Variants in SFT2D1 observed in about 807,000 individuals in gnomAD.
SFT2D1 encodes SFT2 domain containing 1.
In SFT2D1, 24 loss-of-function variants were observed where a neutral mutation model predicts 28.1. That is an observed-to-expected ratio of 0.85 (90% CI 0.62 to 1.20). The LOEUF is 1.20. Among genes scored for constraint, SFT2D1 ranks in the 50% most tolerant of loss-of-function variants. The pLI, the probability that SFT2D1 is intolerant of heterozygous loss-of-function variation, is 0.00. For missense variants in SFT2D1, 181 were observed against 190.9 expected (o/e 0.95, Z 0.31); for synonymous variants, 82 against 73.7 (o/e 1.11, Z -0.58).
At chr6:166,326,912 A>G (rs1778454411) in intron 4 of SFT2D1, among the ~76,000 whole-genome samples, 1 of 152,240 alleles carries the variant, frequency 6.6e-6, no homozygotes, top group Admixed American at 6.5e-5. Flanking sequence ...AACTACTTAT[A>G]TTCTAACAGT....
chr6:166,321,834 G>GT, intron 7 of SFT2D1, among the ~76,000 whole-genome samples: 1 of 152,286 alleles, frequency 6.6e-6, no homozygotes, highest in East Asian at 1.9e-4. Context: ...CAATTAAAAT[G>GT]TTTTTGCTGA....
intron 1 of SFT2D1, chr6:166,334,788 G>A (rs1449672625): frequency 7.3e-6 from 3 of 411,506 alleles, no homozygotes; most frequent in African/African-American, 2.1e-5. Flanking sequence ...TGTGAAGGAG[G>A]TGGATGCGCC....
intron 4 of SFT2D1, among the ~76,000 whole-genome samples, chr6:166,327,419 T>C (rs1778465937): frequency 6.6e-6 from 1 of 152,092 alleles, no homozygotes; most frequent in Non-Finnish European, 1.5e-5. Flanking sequence ...CCACCCAGGC[T>C]CAAGATAATA....
chr6:166,334,409 T>C (rs1778607787), intron 1 of SFT2D1, among the ~76,000 whole-genome samples: 2 of 152,222 alleles, frequency 1.3e-5, no homozygotes, highest in African/African-American at 2.4e-5. Flanking sequence ...CTGGGCAACA[T>C]GGCGAGTCCT....
Position 166,326,541 on chromosome 6 carries a change from T to C in SFT2D1, c.316-374A>G, listed in dbSNP as rs183010139. Among the ~76,000 whole-genome samples, 17 of 152,306 alleles carry C rather than the reference T, an allele frequency of 1.1e-4. 1 individual carries two copies. The East Asian group carries it at 3.3e-3, about 29-fold the overall frequency. On this transcript the variant is annotated intron_variant, in intron 4 of 7. Coordinates refer to ENST00000361731, the MANE Select transcript of SFT2D1 (RefSeq NM_145169.3). ...ATCTGAGGGTCCTTGGTGAAGTCAG[T>C]GGACTCGTCTAAACCTGTTGTCTTC...
In SFT2D1 at chr6:166,324,424, C is replaced by A. The variant is rs76510347; in HGVS notation, c.410+113G>T. The stretch of plus-strand genomic sequence containing the variant: ...CCTCCCCTCCTCTGACCCTGCAGGG[C>A]CTGTCTGGCTCCAAAACACCAGACG... On this transcript the variant is annotated intron_variant, in intron 6 of 7. Transcript: ENST00000361731. 6.3e-6 allele frequency: 6 copies of A among 953,864 alleles called. No individual in the cohort carries two copies. The African/African-American group carries it at 9.8e-5, about 16-fold the overall frequency. The allele number at this position is 953,864 out of a possible 1,614,324, so 59.1% of individuals were successfully genotyped here. A position where few individuals can be genotyped will look rare whatever the true frequency, so the allele number is the denominator to read the frequency against.
At chr6:166,327,284 G>C (rs1300960093) in intron 4 of SFT2D1, among the ~76,000 whole-genome samples, 1 of 152,186 alleles carries the variant, frequency 6.6e-6, no homozygotes, top group Non-Finnish European at 1.5e-5. Flanking sequence ...GGCAGAGGCA[G>C]GATGCAGAAG....
intron 1 of SFT2D1, among the ~76,000 whole-genome samples, chr6:166,338,165 T>C (rs1398601542): frequency 6.6e-6 from 1 of 152,194 alleles, no homozygotes; most frequent in Admixed American, 6.5e-5. Flanking sequence ...ATCTCGCAAA[T>C]TGTCAGCAGG....
At position 166,322,791 on chromosome 6, in the gene SFT2D1, A is replaced by G. The variant is rs187212204; in HGVS notation, c.440+66T>C. The stretch of plus-strand genomic sequence containing the variant: ...TAGTATTTTTATGTAAAAATTACTT[A>G]AATTCATATATTTGTGTGAAGATAA... On this transcript the variant is annotated intron_variant, in intron 7 of 7. Transcript: ENST00000361731. 28 of 1,330,336 alleles carry G rather than the reference A, an allele frequency of 2.1e-5. No individual in the cohort carries two copies. In the Middle Eastern group the frequency reaches 6.3e-4, roughly 30 times the overall value. 82.4% of individuals were successfully genotyped at this position (1,330,336 alleles called of 1,614,324 possible). A position where few individuals can be genotyped will look rare whatever the true frequency, so the allele number is the denominator to read the frequency against.
At chr6:166,334,751 G>T in intron 1 of SFT2D1, 1 of 362,340 alleles carries the variant, frequency 2.8e-6, no homozygotes, top group East Asian at 6.3e-5. Flanking sequence ...AAGCACTCTG[G>T]GGCTTTGGGT....
chr6:166,330,198 G>T lies in SFT2D1; in HGVS notation c.113C>A (p.Ala38Asp). ...LSFNTRLKWF[A>D]ICFVCGVFFS... ...GAAAACGCCACATACGAAGCAGATG[G>T]CAAACCATTTCAATCTGGTGTTGAA... The change falls in exon 2 of 8, where the codon GCC becomes GAC. Residue 38 changes from alanine (A) to aspartate (D), a missense_variant. Ala to Asp is a moderately radical substitution (Grantham distance 126, BLOSUM62 -2). Transcript: ENST00000361731. The T allele has an allele frequency of 6.2e-7, 1 of 1,606,600 alleles. No individual in the cohort carries two copies. The highest frequency in any genetic ancestry group is 8.5e-7 in the Non-Finnish European group (1 of 1,177,766).
At chr6:166,329,209 C>CGGGGATGA (rs1251882189) in intron 3 of SFT2D1, among the ~76,000 whole-genome samples, 1 of 152,102 alleles carries the variant, frequency 6.6e-6, no homozygotes, top group African/African-American at 2.4e-5. Flanking sequence ...CAGTTATAAA[C>CGGGGATGA]GGGGATGATA....
Position 166,320,171 on chromosome 6 carries a change from A to C in SFT2D1, c.*46T>G, listed in dbSNP as rs1427269922. 1.3e-6 allele frequency: 2 copies of C among 1,589,852 alleles called. No individual in the cohort carries two copies. The highest frequency in any genetic ancestry group is 1.7e-6 in the Non-Finnish European group (2 of 1,161,356). ...TGGGGAAAAGCAAACTTCACCAAACATAGAGTACCAACATTCAAGTGCTCT... is the reference window on the plus strand; with the variant it reads ...TGGGGAAAAGCAAACTTCACCAAACCTAGAGTACCAACATTCAAGTGCTCT... On this transcript the variant is annotated 3_prime_UTR_variant, in exon 8 of 8. Transcript: ENST00000361731.
rs9348118 is a variant in SFT2D1, at chr6:166,329,161, T to C, written c.233+346A>G. The stretch of plus-strand genomic sequence containing the variant: ...CAGCCATGATTTAGGTTCATCGCCA[T>C]GGGCAGCACTGACTCCCCTGCTCTG... On this transcript the variant is annotated intron_variant, in intron 3 of 7. Coordinates refer to ENST00000361731, the MANE Select transcript of SFT2D1 (RefSeq NM_145169.3). Among the ~76,000 whole-genome samples the C allele has an allele frequency of 2.2e-4, 33 of 152,316 alleles. No homozygotes were observed. In the East Asian group the frequency reaches 5.6e-3, roughly 26 times the overall value.
intron 6 of SFT2D1, chr6:166,323,986 A>G (rs1778399725): frequency 6.6e-6 from 1 of 151,226 alleles, no homozygotes; most frequent in Non-Finnish European, 1.5e-5. Context: ...AGCCTGGGTG[A>G]CAGAGTGAGA....
chr6:166,324,379 G>C (rs1055972563), intron 6 of SFT2D1, 158 bp downstream of exon 6: 24 of 593,778 alleles, frequency 4.0e-5, no homozygotes, highest in Non-Finnish European at 6.9e-5. Context: ...GCTGTCAAGT[G>C]CAACAGGACT....
At chr6:166,328,245 T>C in intron 4 of SFT2D1, 31 bp downstream of exon 4, 2 of 1,429,064 alleles carry the variant, frequency 1.4e-6, no homozygotes, top group South Asian at 1.3e-5. Flanking sequence ...AATACTTCAA[T>C]AAAAGTTTTA....
chr6:166,335,484 C>T, intron 1 of SFT2D1: 1 of 519,030 alleles, frequency 1.9e-6, no homozygotes, highest in Non-Finnish European at 3.8e-6. Context: ...TTTTACTTTA[C>T]TTTACAAAAC....
intron 1 of SFT2D1, chr6:166,334,842 A>G (rs989274661): frequency 7.9e-5 from 34 of 429,046 alleles, no homozygotes; most frequent in African/African-American, 6.5e-4. Context: ...TTGTGGAACC[A>G]AAGGGCTGTC....
Sources: gnomAD v4.1 joint callset for allele counts (sites outside exome capture counted in the v4.1 genomes callset) on GRCh38, gnomAD v4.1.1 for gene constraint, MANE v1.5 for transcripts, NCBI Gene and HGNC (gene_info 2026-07-23, HGNC 2026-07-21) for gene names.